The following FLCN variants were observed in gnomAD, a reference collection of about 807,000 sequenced individuals.
FLCN encodes folliculin, also known as BHD skin lesion fibrofolliculoma protein.
Under a neutral mutation model 62.5 loss-of-function variants are expected in FLCN, and 22 were observed. That is an observed-to-expected ratio of 0.35 (90% CI 0.25 to 0.50). The LOEUF (loss-of-function observed/expected upper bound fraction) is 0.50. Ranked by LOEUF, FLCN falls within the 20% of genes least tolerant of loss-of-function variation. The pLI, the probability that FLCN is intolerant of heterozygous loss-of-function variation, is 0.97. For synonymous variants in FLCN, 319 were observed against 310.0 expected (o/e 1.03, Z -0.30); for missense variants, 657 against 778.0 (o/e 0.84, Z 1.85).
intron 3 of FLCN, chr17:17,229,192 T>G (rs1315866941): frequency 2.0e-5 from 3 of 152,432 alleles, no homozygotes; most frequent in Non-Finnish European, 2.9e-5. Context: ...CGGTCGGGGC[T>G]GACGCATGGG....
At chr17:17,228,188 T>G (rs780421535) in intron 3 of FLCN, 27 bp from the exon 4 acceptor site, 72 of 1,598,964 alleles carry the variant, frequency 4.5e-5, no homozygotes, top group Non-Finnish European at 5.9e-5. Context: ...ACATGTCAGC[T>G]TGCCAATGCC....
At chr17:17,217,327 G>A in intron 9 of FLCN, 145 bp from the exon 10 acceptor site, 1 of 709,090 alleles carries the variant, frequency 1.4e-6, no homozygotes. Context: ...CAGGGAGGCG[G>A]GTGCCCGGCC....
rs765647841 is a variant in FLCN at position 17,221,556 on chromosome 17, G to A, written c.852C>T (p.Val284=). 2 of 1,612,954 alleles carry A rather than the reference G, an allele frequency of 1.2e-6. No homozygotes were observed. The highest frequency in any genetic ancestry group is 2.2e-5 in the South Asian group (2 of 91,072). The change falls in exon 8 of 14, where the codon GTC becomes GTT. Residue 284 remains valine, a synonymous_variant. Coordinates refer to ENST00000285071, the MANE Select transcript of FLCN (RefSeq NM_144997.7). ...LEGAPTEDTL[V]QMEKLADLEE... ...CCTCACCAGCGAGCTTCTCCATCTG[G>A]ACCAAGGTATCCTCGGTCGGAGCAC...
At position 17,215,214 on chromosome 17, in the gene FLCN, G is replaced by T; in HGVS notation, c.1403C>A (p.Thr468Asn). 1 of 1,614,190 alleles carries T rather than the reference G, an allele frequency of 6.2e-7. No individual in the cohort carries two copies. The highest frequency in any genetic ancestry group is 2.2e-5 in the East Asian group (1 of 44,888). ...GTCTGCAGCTACAGGGCTCCCACTG[G>T]TCACCACAAACTCGTACTTGCTGAG... ...QSLSKYEFVVTSGSPVAADRV... is the reference protein window; with the variant it reads ...QSLSKYEFVVNSGSPVAADRV... The change falls in exon 12 of 14, where the codon ACC becomes AAC. Residue 468 changes from threonine (T) to asparagine (N), a missense_variant. Coordinates refer to ENST00000285071, the MANE Select transcript of FLCN (RefSeq NM_144997.7).
chr17:17,221,325 C>A, intron 8 of FLCN: 1 of 1,557,930 alleles, frequency 6.4e-7, no homozygotes, highest in South Asian at 1.2e-5. Context: ...GGAACAGATT[C>A]TTTCACATGG....
At position 17,217,105 on chromosome 17, in the gene FLCN, G is replaced by A. The variant is rs768454196; in HGVS notation, c.1140C>T (p.Asp380=). Residue 380 remains aspartate (D), a synonymous_variant, in exon 10 of 14, where the codon GAC becomes GAT. Coordinates refer to ENST00000285071, the MANE Select transcript of FLCN (RefSeq NM_144997.7). The part of the protein sequence containing the change: ...MGNQVIWKSR[D]VDLVQSAFEV... ...CAAAAGCTGACTGGACGAGGTCCACGTCTCTGCTTTTCCAGATCACCTGGT... is the reference window on the plus strand; with the variant it reads ...CAAAAGCTGACTGGACGAGGTCCACATCTCTGCTTTTCCAGATCACCTGGT... 36 of 1,613,836 alleles carry A rather than the reference G, an allele frequency of 2.2e-5. 1 individual carries two copies. The highest frequency in any genetic ancestry group is 3.3e-4 in the Middle Eastern group (2 of 6,084).
At chr17:17,221,214 C>T in intron 8 of FLCN, 3 of 1,523,266 alleles carry the variant, frequency 2.0e-6, no homozygotes, top group Non-Finnish European at 2.6e-6. Context: ...GACCGTCGAC[C>T]AGGCCAAGCA....
intron 7 of FLCN, among the ~76,000 whole-genome samples, 171 bp downstream of exon 7, chr17:17,222,330 C>T (rs2047116418): frequency 6.6e-6 from 1 of 152,184 alleles, no homozygotes; most frequent in Non-Finnish European, 1.5e-5. Flanking sequence ...AGAACAAGGA[C>T]TCCCAGCCCA....
intron 3 of FLCN, chr17:17,228,619 T>G: frequency 5.8e-6 from 1 of 172,902 alleles, no homozygotes; most frequent in Non-Finnish European, 1.3e-5. Flanking sequence ...CTCATGCAGC[T>G]TACCTCCTGC....
In FLCN at chr17:17,216,521, A is replaced by C; in HGVS notation, c.1177-18T>G. The C allele has an allele frequency of 1.2e-6, 2 of 1,613,370 alleles. No individual in the cohort carries two copies. Among genetic ancestry groups the C allele is most frequent in the Non-Finnish European group, 1.7e-6 (2 of 1,179,818 alleles). On this transcript the variant is annotated intron_variant, in intron 10 of 13. Transcript: ENST00000285071. The surrounding 1 kb of genome is among the most constrained non-coding windows in gnomAD (Gnocchi z 4.0). ...AGCATGGTCTGAGGAGGACAGCAGG[A>C]CTCAGACCAAGGACACGAGGAAGCC...
chr17:17,229,829 A>T (rs771123915), intron 3 of FLCN, among the ~76,000 whole-genome samples: 3 of 152,182 alleles, frequency 2.0e-5, no homozygotes, highest in Non-Finnish European at 2.9e-5. Context: ...GCAATGGGAC[A>T]CCTGGTGGGG....
chr17:17,222,542 A>C lies in FLCN; in HGVS notation c.738T>G (p.Ser246Arg), dbSNP rs1597601940. The C allele has an allele frequency of 6.2e-7, 1 of 1,614,076 alleles. No homozygotes were observed. The highest frequency in any genetic ancestry group is 1.7e-5 in the Admixed American group (1 of 60,004). ...NAARSLTSLT[S>R]DDNLWACLHT... is the part of the protein sequence containing the mutation. ...GCAGGCACGCCCACAGGTTGTCATC[A>C]CTTGTCAGCGATGTCAGCGAGCGGG... Residue 246 changes from serine to arginine, a missense_variant, in exon 7 of 14, where the codon AGT (serine) becomes AGG (arginine). Coordinates refer to ENST00000285071, the MANE Select transcript of FLCN (RefSeq NM_144997.7).
In FLCN at chr17:17,213,110, G is replaced by T. The variant is rs952429267; in HGVS notation, c.*545C>A. ...TTTCAGAGGACCAAAAGATGAGGAA[G>T]AGATCCACTTCACTCCCCAAAGTCT... On this transcript the variant is annotated 3_prime_UTR_variant, in exon 14 of 14. Transcript: ENST00000285071. The T allele has an allele frequency of 3.0e-5, 8 of 269,622 alleles. No homozygotes were observed. Among genetic ancestry groups the T allele is most frequent in the African/African-American group, 1.7e-4 (8 of 46,480 alleles). 16.7% of individuals were successfully genotyped at this position (269,622 alleles called of 1,614,324 possible).
rs1408582090 is a variant in FLCN at position 17,212,694 on chromosome 17, G to A, written c.*961C>T. 1.7e-5 allele frequency: 3 copies of A among 181,490 alleles called. No homozygotes were observed. Among genetic ancestry groups the A allele is most frequent in the Non-Finnish European group, 3.5e-5 (3 of 85,234 alleles). 11.2% of individuals were successfully genotyped at this position (181,490 alleles called of 1,614,324 possible). A position where few individuals can be genotyped will look rare whatever the true frequency, so the allele number is the denominator to read the frequency against. On this transcript the variant is annotated 3_prime_UTR_variant, in exon 14 of 14. Coordinates refer to ENST00000285071, the MANE Select transcript of FLCN (RefSeq NM_144997.7). ...CCAGCTACTCTGGAGGCTGAGGCAG[G>A]AGAATTGCTTGAACCCAGGAGGCAG...
intron 5 of FLCN, chr17:17,225,895 AG>A (rs1316755219): frequency 5.0e-5 from 28 of 554,814 alleles, no homozygotes; most frequent in Non-Finnish European, 6.7e-6. Context: ...GAAGGAAAAA[AG>A]AAAACAATAA....
chr17:17,215,910 G>A (rs1051293961), intron 11 of FLCN, among the ~76,000 whole-genome samples: 2 of 152,186 alleles, frequency 1.3e-5, no homozygotes, highest in Non-Finnish European at 2.9e-5. Flanking sequence ...GGTTTGCTGA[G>A]CCCTGACCAC....
chr17:17,219,133 A>G lies in FLCN; in HGVS notation c.948T>C (p.Ser316=). 6.2e-7 allele frequency: 1 copy of G among 1,613,966 alleles called. No homozygotes were observed. The highest frequency in any genetic ancestry group is 1.1e-5 in the South Asian group (1 of 91,066). Residue 316 remains serine (S), a synonymous_variant, in exon 9 of 14, where the codon AGT becomes AGC. Transcript: ENST00000285071. ...CCTGGGTCAGCTCCCGCCCTTCTGT[A>G]CTCTCTGGCAACACAGGGGCTTTCT... is the stretch of plus-strand genomic sequence containing the variant. ...EEEKAPVLPE[S]TEGRELTQGP...
intron 5 of FLCN, chr17:17,225,906 A>G (rs533692260): frequency 6.8e-6 from 4 of 590,420 alleles, no homozygotes; most frequent in African/African-American, 1.9e-5. Flanking sequence ...GAAAACAATA[A>G]TAATAAAGAA....
intron 6 of FLCN, 149 bp from the exon 7 acceptor site, chr17:17,222,810 G>A: frequency 1.1e-6 from 1 of 871,802 alleles, no homozygotes. Flanking sequence ...AGTGCCACCA[G>A]TCCAATCATT....
Sources: gnomAD v4.1 joint callset for allele counts (sites outside exome capture counted in the v4.1 genomes callset) on GRCh38, gnomAD v4.1.1 for gene constraint, Gnocchi (gnomAD v3.1) non-coding constraint, MANE v1.5 for transcripts, NCBI Gene and HGNC (gene_info 2026-07-23, HGNC 2026-07-21) for gene names.